CSTF3: variants seen among roughly 807,000 people sequenced by gnomAD.
CSTF3 encodes the protein CF-1 77 kDa subunit.
Under a neutral mutation model 105.8 loss-of-function variants are expected in CSTF3, and 29 were observed. The ratio of observed to expected loss-of-function variants is 0.27; its 90% confidence interval spans 0.20 to 0.37. The LOEUF (loss-of-function observed/expected upper bound fraction) is 0.37, where lower values mean the gene tolerates loss of function less well. CSTF3 is among the 10% of genes least tolerant of loss of function. The pLI is 1.00. For synonymous variants in CSTF3, 252 were observed against 281.9 expected (o/e 0.89, Z 1.06); for missense variants, 357 against 879.3 (o/e 0.41, Z 7.51).
At chr11:33,117,897 C>T (rs977555723) in intron 3 of CSTF3, among the ~76,000 whole-genome samples, 11 of 151,758 alleles carry the variant, frequency 7.2e-5, no homozygotes, top group African/African-American at 2.7e-4. Context: ...AAAATATATA[C>T]TGAGTAGGAA....
intron 3 of CSTF3, among the ~76,000 whole-genome samples, chr11:33,140,435 CCA>C (rs1247840377): frequency 6.6e-6 from 1 of 151,946 alleles, no homozygotes; most frequent in Non-Finnish European, 1.5e-5. Flanking sequence ...ACATACACAA[CCA>C]CACACACAAA....
intron 3 of CSTF3, among the ~76,000 whole-genome samples, chr11:33,132,570 T>C (rs1479197862): frequency 6.6e-6 from 1 of 152,190 alleles, no homozygotes; most frequent in Non-Finnish European, 1.5e-5. Flanking sequence ...TTGGAATACC[T>C]GTTATTTAAA....
chr11:33,090,134 A>G (rs1470432884), intron 17 of CSTF3, among the ~76,000 whole-genome samples: 1 of 152,232 alleles, frequency 6.6e-6, no homozygotes, highest in Non-Finnish European at 1.5e-5. Context: ...TGCAACAGGA[A>G]CTACATTTGG....
chr11:33,096,954 C>A lies in CSTF3; in HGVS notation c.1153G>T (p.Ala385Ser), dbSNP rs1208092891. Residue 385 changes from alanine (A) to serine (S), a missense_variant, in exon 14 of 21, where the codon GCA becomes TCA. Physicochemically the swap from Ala to Ser is moderately conservative, Grantham distance 99. Coordinates refer to ENST00000323959, the MANE Select transcript of CSTF3 (RefSeq NM_001326.3). Reference protein sequence around the residue: ...TLVYIQYMKFARRAEGIKSGR... With the variant: ...TLVYIQYMKFSRRAEGIKSGR... ...GATTTGATGCCTTCTGCTCTCCGTG[C>A]AAATTTCATATATTGGATATATACC... is the stretch of plus-strand genomic sequence containing the variant. 1 of 1,608,814 alleles carries A rather than the reference C, an allele frequency of 6.2e-7. No individual in the cohort carries two copies. Among genetic ancestry groups the A allele is most frequent in the Non-Finnish European group, 8.5e-7 (1 of 1,176,288 alleles).
intron 3 of CSTF3, among the ~76,000 whole-genome samples, chr11:33,120,890 ATTAAT>A (rs1170332781): frequency 6.6e-6 from 1 of 151,972 alleles, no homozygotes; most frequent in African/African-American, 2.4e-5. Flanking sequence ...TTGTTAAAAT[ATTAAT>A]TTAAAACCTC....
At chr11:33,119,174 AAAAAT>A (rs1256134596) in intron 3 of CSTF3, among the ~76,000 whole-genome samples, 1 of 151,838 alleles carries the variant, frequency 6.6e-6, no homozygotes, top group African/African-American at 2.4e-5. Flanking sequence ...ACTGCTGTTT[AAAAAT>A]ATTAGCAATT....
At chr11:33,161,103 C>A (rs995185607) in intron 1 of CSTF3, among the ~76,000 whole-genome samples, 196 bp downstream of exon 1, 4 of 152,032 alleles carry the variant, frequency 2.6e-5, no homozygotes, top group African/African-American at 9.7e-5. Context: ...TACTCGTATT[C>A]ATGCCTAAGA....
At chr11:33,154,988 A>G (rs1590291036) in intron 1 of CSTF3, among the ~76,000 whole-genome samples, 3 of 152,128 alleles carry the variant, frequency 2.0e-5, no homozygotes, top group Non-Finnish European at 4.4e-5. Flanking sequence ...TGTATCCTAC[A>G]ATACAAAACT....
At chr11:33,110,546 C>T (rs1384263677) in intron 3 of CSTF3, among the ~76,000 whole-genome samples, 3 of 152,134 alleles carry the variant, frequency 2.0e-5, no homozygotes, top group East Asian at 3.8e-4. Flanking sequence ...TTTAAATCAC[C>T]AGCTTCCTAG....
chr11:33,086,624 G>T (rs910261492), intron 18 of CSTF3, among the ~76,000 whole-genome samples: 2 of 152,070 alleles, frequency 1.3e-5, no homozygotes, highest in Admixed American at 6.6e-5. Flanking sequence ...TTTTAATAAA[G>T]ACAAAGTTTC....
At chr11:33,140,187 G>A (rs1455765262) in intron 3 of CSTF3, among the ~76,000 whole-genome samples, 1 of 152,050 alleles carries the variant, frequency 6.6e-6, no homozygotes, top group African/African-American at 2.4e-5. Context: ...ATCAGGTGCA[G>A]GTGATCCAGG....
intron 1 of CSTF3, among the ~76,000 whole-genome samples, chr11:33,157,023 G>T (rs1374690594): frequency 1.3e-5 from 2 of 151,950 alleles, no homozygotes; most frequent in African/African-American, 4.8e-5. Context: ...ATAGACCTAA[G>T]AATGAGATCA....
rs1855253350 is a variant in CSTF3 at position 33,099,045 on chromosome 11, C to A, written c.1042G>T (p.Asp348Tyr). 6.4e-7 allele frequency: 1 copy of A among 1,568,972 alleles called. No homozygotes were observed. The highest frequency in any genetic ancestry group is 2.3e-5 in the Admixed American group (1 of 43,906). Residue 348 changes from aspartate (D) to tyrosine (Y), a missense_variant, in exon 12 of 21, where the codon GAT becomes TAT. Physicochemically the swap from Asp to Tyr is radical, Grantham distance 160. Transcript: ENST00000323959. This position sits in a 1 kb window ranked among gnomAD's most constrained non-coding sequence, Gnocchi z 4.1. ...KNMLLYFAYA[D>Y]YEESRMKYEK... ...ACATTTTTACTTACCTCTTCATAATCTGCATATGCAAAATAAAGAAGCATA... is the reference window on the plus strand; with the variant it reads ...ACATTTTTACTTACCTCTTCATAATATGCATATGCAAAATAAAGAAGCATA...
At chr11:33,085,532 G>A (rs1401690863) in intron 20 of CSTF3, among the ~76,000 whole-genome samples, 181 bp downstream of exon 20, 1 of 152,216 alleles carries the variant, frequency 6.6e-6, no homozygotes, top group Non-Finnish European at 1.5e-5. Flanking sequence ...ATTTTACTTA[G>A]TGGAATTCAA....
intron 1 of CSTF3, among the ~76,000 whole-genome samples, chr11:33,157,109 T>C (rs1254360866): frequency 4.0e-5 from 6 of 151,726 alleles, no homozygotes; most frequent in East Asian, 3.9e-4. Flanking sequence ...TCCCAGCACT[T>C]TGGGAGGCTG....
At chr11:33,129,605 T>C (rs1345239960) in intron 3 of CSTF3, among the ~76,000 whole-genome samples, 1 of 152,170 alleles carries the variant, frequency 6.6e-6, no homozygotes, top group Non-Finnish European at 1.5e-5. Context: ...TAAATTTCAT[T>C]CTACTAAAAG....
At chr11:33,133,783 C>T (rs1447570910) in intron 3 of CSTF3, among the ~76,000 whole-genome samples, 2 of 152,180 alleles carry the variant, frequency 1.3e-5, no homozygotes, top group African/African-American at 4.8e-5. Context: ...GCACTCAAGC[C>T]TGGGTGACAG....
At chr11:33,104,434 CA>C (rs1261101755) in intron 8 of CSTF3, among the ~76,000 whole-genome samples, 1 of 152,146 alleles carries the variant, frequency 6.6e-6, no homozygotes, top group Non-Finnish European at 1.5e-5. Flanking sequence ...AAATATAAAA[CA>C]ATGCCACTCT....
intron 18 of CSTF3, among the ~76,000 whole-genome samples, chr11:33,086,481 A>T (rs2133766298): frequency 6.7e-6 from 1 of 150,118 alleles, no homozygotes; most frequent in Middle Eastern, 3.5e-3. Flanking sequence ...CTTGTTGCCC[A>T]GGCTGGAGTG....
Sources: gnomAD v4.1 joint callset for allele counts (sites outside exome capture counted in the v4.1 genomes callset) on GRCh38, gnomAD v4.1.1 for gene constraint, Gnocchi (gnomAD v3.1) non-coding constraint, MANE v1.5 for transcripts, NCBI Gene and HGNC (gene_info 2026-07-23, HGNC 2026-07-21) for gene names.